The following MYO16 variants were observed in gnomAD, a reference collection of about 807,000 sequenced individuals.
MYO16 encodes the protein unconventional myosin-XVI.
MYO16 carries 94 observed loss-of-function variants against 205.3 expected under a neutral mutation model. The ratio of observed to expected loss-of-function variants is 0.46; its 90% CI spans 0.39 to 0.54. MYO16 has a LOEUF of 0.54. Ranked by LOEUF, MYO16 falls within the 20% of genes least tolerant of loss-of-function variation. MYO16 has a pLI of 0.00. For synonymous variants in MYO16, 988 were observed against 954.0 expected, an observed-to-expected ratio of 1.04 and a Z score of -0.66; for missense variants, 2,315 against 2,387.5, an observed-to-expected ratio of 0.97 and a Z score of 0.63.
chr13:109,065,865 G>A (rs549198686), intron 27 of MYO16, among the ~76,000 whole-genome samples: 2 of 152,300 alleles, frequency 1.3e-5, no homozygotes, highest in South Asian at 4.1e-4. Context: ...GAGAAGAGTA[G>A]GGTAACTAAA....
chr13:109,075,864 G>A (rs978026142), intron 27 of MYO16, among the ~76,000 whole-genome samples: 79 of 152,048 alleles, frequency 5.2e-4, no homozygotes, highest in African/African-American at 1.7e-3. Context: ...TTCTCCTTGT[G>A]AAGAAGACTG....
At chr13:109,068,519 C>A (rs1034270623) in intron 27 of MYO16, among the ~76,000 whole-genome samples, 1 of 150,812 alleles carries the variant, frequency 6.6e-6, no homozygotes, top group East Asian at 1.9e-4. Context: ...TAAGAATATT[C>A]TTTCTCTCAT....
chr13:108,953,143 G>A (rs1883219561), intron 16 of MYO16, among the ~76,000 whole-genome samples: 2 of 152,168 alleles, frequency 1.3e-5, no homozygotes, highest in South Asian at 4.1e-4. Context: ...ATCAATGATT[G>A]TCAACTTTCA....
intron 10 of MYO16, among the ~76,000 whole-genome samples, chr13:108,853,028 T>G (rs964602217): frequency 6.6e-6 from 1 of 152,200 alleles, no homozygotes; most frequent in African/African-American, 2.4e-5. Flanking sequence ...CAAATTCATG[T>G]CTAAGATATT....
intron 27 of MYO16, among the ~76,000 whole-genome samples, chr13:109,075,600 T>C (rs1407189023): frequency 6.6e-6 from 1 of 152,086 alleles, no homozygotes; most frequent in Non-Finnish European, 1.5e-5. Context: ...GGTCTCGAAC[T>C]CCTGACCTCG....
intron 12 of MYO16, among the ~76,000 whole-genome samples, chr13:108,870,187 AT>A (rs1594358124): frequency 6.6e-6 from 1 of 151,838 alleles, no homozygotes; most frequent in Admixed American, 6.6e-5. Context: ...TGATATGAAT[AT>A]TTTTCTCCTT....
intron 4 of MYO16, among the ~76,000 whole-genome samples, chr13:108,765,767 A>G (rs944177790): frequency 1.3e-5 from 2 of 152,124 alleles, no homozygotes; most frequent in Non-Finnish European, 2.9e-5. Context: ...ACTTAGGATT[A>G]TTCCCTTTTG....
the MYO16 span, among the ~76,000 whole-genome samples, chr13:108,517,215 C>A: frequency 3.5e-4 from 54 of 152,268 alleles, no homozygotes; most frequent in Admixed American, 9.8e-4. Flanking sequence ...CACACATGAG[C>A]CACTGCGCCT....
rs1256152152 is a variant in MYO16, at chr13:109,127,694, T to G, written c.4051+144T>G. ...TTGTTGGCTTGCCAGCAGCTCTTAA[T>G]CATTAAATATAAATAATATTTATTC... On this transcript the variant is annotated intron_variant, in intron 31 of 34. Transcript: ENST00000457511. This position sits in a 1 kb window ranked among gnomAD's most constrained non-coding sequence, Gnocchi z 4.2. 5.2e-6 allele frequency: 4 copies of G among 766,216 alleles called. No individual in the cohort carries two copies. The highest frequency in any genetic ancestry group is 8.1e-6 in the Non-Finnish European group (4 of 496,024). 47.5% of individuals were successfully genotyped at this position (766,216 alleles called of 1,614,324 possible).
chr13:108,510,461 GTTTTTTT>G, the MYO16 span, among the ~76,000 whole-genome samples: 3 of 45,924 alleles, frequency 6.5e-5, no homozygotes, highest in African/African-American at 3.0e-4. Flanking sequence ...ATTGATAGCT[GTTTTTTT>G]TTTTTTTTTT....
chr13:109,141,081 G>A lies in MYO16; in HGVS notation c.4869G>A (p.Pro1623=), dbSNP rs201711885. 1.8e-5 allele frequency: 27 copies of A among 1,463,962 alleles called. No homozygotes were observed. Among genetic ancestry groups the A allele is most frequent in the Non-Finnish European group, 2.3e-5 (26 of 1,109,680 alleles). 90.7% of individuals were successfully genotyped at this position (1,463,962 alleles called of 1,614,324 possible). Residue 1623 remains proline, a synonymous_variant, in exon 32 of 35, where the codon CCG becomes CCA. Transcript: ENST00000457511. The surrounding 1 kb of genome is among the most constrained non-coding windows in gnomAD (Gnocchi z 4.1). ...TGGCCTTCCCGCCGGAGCCCGCCCC[G>A]GTGAACGCGGGGAAAGCGGGGCCGA... ...AHLAFPPEPA[P]VNAGKAGPSA... is the part of the protein sequence containing the mutation.
the MYO16 span, among the ~76,000 whole-genome samples, chr13:108,518,833 TAC>T: frequency 6.6e-6 from 1 of 152,152 alleles, no homozygotes; most frequent in Admixed American, 6.5e-5. Context: ...TAGAAAGAAA[TAC>T]AGTGTGGAGG....
chr13:109,038,013 A>C (rs768124870), intron 23 of MYO16, among the ~76,000 whole-genome samples: 23 of 152,358 alleles, frequency 1.5e-4, no homozygotes, highest in Non-Finnish European at 2.4e-4. Context: ...TAGGGAGTAC[A>C]ATGGGGAAAA....
intron 23 of MYO16, among the ~76,000 whole-genome samples, chr13:109,034,493 C>T (rs1006791016): frequency 1.3e-5 from 2 of 152,184 alleles, no homozygotes; most frequent in African/African-American, 4.8e-5. Context: ...TGTTTGCCTT[C>T]CGCCATGATT....
Position 108,855,485 on chromosome 13 carries a change from C to G in MYO16, c.1291C>G (p.Leu431Val), listed in dbSNP as rs544415158. The change falls in exon 11 of 35, where the codon CTC (leucine) becomes GTC (valine). Residue 431 changes from leucine (L) to valine (V), a missense_variant. Coordinates refer to ENST00000457511, the MANE Select transcript of MYO16 (RefSeq NM_001198950.3). The stretch of plus-strand genomic sequence containing the variant: ...TGCCCCAAACGATGACCTGGCAACG[C>G]TCAGCGAGCTCAATGATGGCAGCCT... ...PPAPNDDLAT[L>V]SELNDGSLLY... 6.3e-7 allele frequency: 1 copy of G among 1,597,570 alleles called. No homozygotes were observed. The highest frequency in any genetic ancestry group is 1.1e-5 in the South Asian group (1 of 89,796).
At chr13:108,611,685 C>T in intron 1 of MYO16, among the ~76,000 whole-genome samples, 1 of 152,130 alleles carries the variant, frequency 6.6e-6, no homozygotes. Context: ...GCCCTCTACA[C>T]AGTCCCACAG....
At chr13:108,548,554 G>A in the MYO16 span, among the ~76,000 whole-genome samples, 2 of 151,184 alleles carry the variant, frequency 1.3e-5, no homozygotes, top group East Asian at 3.9e-4. Context: ...ACAGTGATAG[G>A]ATAGGGTTGA....
intron 1 of MYO16, among the ~76,000 whole-genome samples, chr13:108,624,144 T>C (rs1879645940): frequency 6.6e-6 from 1 of 152,180 alleles, no homozygotes; most frequent in Non-Finnish European, 1.5e-5. Context: ...TGCCTCACAA[T>C]TCCTTTCATC....
intron 24 of MYO16, chr13:109,048,605 T>C (rs1887131845): frequency 5.6e-6 from 2 of 357,908 alleles, no homozygotes; most frequent in Non-Finnish European, 5.0e-6. Context: ...GAGCCATGAT[T>C]GCTCACTCAC....
Sources: gnomAD v4.1 joint callset for allele counts (sites outside exome capture counted in the v4.1 genomes callset) on GRCh38, gnomAD v4.1.1 for gene constraint, Gnocchi (gnomAD v3.1) non-coding constraint, MANE v1.5 for transcripts, NCBI Gene and HGNC (gene_info 2026-07-23, HGNC 2026-07-21) for gene names.